Variants in IGDCC4 observed in about 807,000 individuals in gnomAD.
IGDCC4 encodes the protein likely ortholog of mouse neighbor of Punc E11.
IGDCC4 carries 72 observed loss-of-function variants against 116.6 expected under a neutral mutation model. That is an observed-to-expected ratio of 0.62 (90% CI 0.51 to 0.75). The LOEUF is 0.75. Ranked by LOEUF, IGDCC4 falls within the 30% of genes least tolerant of loss-of-function variation. The pLI, the probability that IGDCC4 is intolerant of heterozygous loss-of-function variation, is 0.00. For missense variants in IGDCC4, 1,501 were observed against 1,662.4 expected (o/e 0.90, Z 1.69); for synonymous variants, 709 against 719.9 (o/e 0.98, Z 0.24).
At chr15:65,385,469 T>C in intron 18 of IGDCC4, 1 of 523,356 alleles carries the variant, frequency 1.9e-6, no homozygotes, top group Non-Finnish European at 3.4e-6. Context: ...CTTATCCTGG[T>C]CCCAGTCCCA....
chr15:65,402,478 C>G lies in IGDCC4; in HGVS notation c.573G>C (p.Val191=). The change falls in exon 4 of 20, where the codon GTG becomes GTC. Residue 191 remains valine (V), a synonymous_variant. Coordinates refer to ENST00000352385, the MANE Select transcript of IGDCC4 (RefSeq NM_020962.3). The stretch of plus-strand genomic sequence containing the variant: ...GGATCTGAAGGACGCCGTTGGGAAG[C>G]ACGATGAGCCTTGGGAAGAGGGGAG... The part of the protein sequence containing the change: ...VTLPEEPRLI[V]LPNGVLQILD... 6.4e-7 allele frequency: 1 copy of G among 1,567,144 alleles called. No homozygotes were observed. Among genetic ancestry groups the G allele is most frequent in the South Asian group, 1.2e-5 (1 of 85,134 alleles).
chr15:65,415,224 C>G (rs1390970088), intron 1 of IGDCC4, among the ~76,000 whole-genome samples: 1 of 152,200 alleles, frequency 6.6e-6, no homozygotes, highest in African/African-American at 2.4e-5. Flanking sequence ...ACACAAATCC[C>G]TGAGCCCTCC....
intron 3 of IGDCC4, among the ~76,000 whole-genome samples, chr15:65,402,930 G>A (rs770313731): frequency 6.6e-6 from 1 of 152,120 alleles, no homozygotes; most frequent in Non-Finnish European, 1.5e-5. Context: ...AAATCAGAAG[G>A]CTTAATAACA....
chr15:65,387,771 A>T (rs1052072283), intron 16 of IGDCC4, among the ~76,000 whole-genome samples: 4 of 151,704 alleles, frequency 2.6e-5, no homozygotes, highest in African/African-American at 9.7e-5. Flanking sequence ...CACCTCACCA[A>T]GTTAATCCTC....
intron 3 of IGDCC4, among the ~76,000 whole-genome samples, chr15:65,407,753 A>G (rs919911462): frequency 1.3e-5 from 2 of 151,330 alleles, no homozygotes; most frequent in African/African-American, 4.9e-5. Flanking sequence ...CAGCCTCCTG[A>G]GTAGCTGGGA....
chr15:65,385,747 C>T, intron 18 of IGDCC4, 84 bp downstream of exon 18: 1 of 1,118,112 alleles, frequency 8.9e-7, no homozygotes, highest in Non-Finnish European at 1.4e-6. Flanking sequence ...GAGGTAGAGC[C>T]ATGCTCGCAT....
chr15:65,408,565 G>A lies in IGDCC4; in HGVS notation c.563+1613C>T, dbSNP rs117726928. 2.7e-3 allele frequency among the ~76,000 whole-genome samples: 404 copies of A among 152,316 alleles called. 12 individuals carry two copies. The East Asian group carries it at 0.057, about 21-fold the overall frequency. ...GTTAAACAAGGTCAACAGGATTCTCGATACAGCACTTCTCAGGGCCTTGCC... is the reference window on the plus strand; with the variant it reads ...GTTAAACAAGGTCAACAGGATTCTCAATACAGCACTTCTCAGGGCCTTGCC... On this transcript the variant is annotated intron_variant, in intron 3 of 19. Transcript: ENST00000352385.
chr15:65,392,033 C>T (rs1380302136), intron 11 of IGDCC4, 52 bp from the exon 12 acceptor site: 8 of 1,557,652 alleles, frequency 5.1e-6, no homozygotes, highest in Non-Finnish European at 7.0e-6. Context: ...GGGTCACTCT[C>T]CCGTCCACAG....
intron 2 of IGDCC4, 65 bp from the exon 3 acceptor site, chr15:65,410,384 A>T: frequency 6.3e-6 from 10 of 1,578,290 alleles, no homozygotes; most frequent in Non-Finnish European, 8.7e-6. Context: ...CAGCAAGCAC[A>T]AACAGTGAAA....
At position 65,393,810 on chromosome 15, in the gene IGDCC4, T is replaced by C. The variant is rs2062891023; in HGVS notation, c.1715-279A>G. 6.6e-6 allele frequency among the ~76,000 whole-genome samples: 1 copy of C among 151,818 alleles called. No homozygotes were observed. The highest frequency in any genetic ancestry group is 2.1e-4 in the South Asian group (1 of 4,816). On this transcript the variant is annotated intron_variant, in intron 9 of 19. Transcript: ENST00000352385. The surrounding 1 kb of genome is among the most constrained non-coding windows in gnomAD (Gnocchi z 4.6). The stretch of plus-strand genomic sequence containing the variant: ...CTTCCCCAGGAGCTGTCAATGACCA[T>C]CCCCTGCCAACACACACACACACGG...
intron 10 of IGDCC4, among the ~76,000 whole-genome samples, chr15:65,392,639 G>T (rs1248035637): frequency 6.6e-6 from 1 of 152,088 alleles, no homozygotes; most frequent in Non-Finnish European, 1.5e-5. Flanking sequence ...TTTGCAAAGG[G>T]GTCAGCAAGG....
intron 16 of IGDCC4, among the ~76,000 whole-genome samples, 200 bp downstream of exon 16, chr15:65,388,246 GAAA>G (rs397793769): frequency 8.1e-6 from 1 of 122,768 alleles, no homozygotes; most frequent in Admixed American, 8.1e-5. Flanking sequence ...CTCCATCTCA[GAAA>G]AAAAAAAAAA....
At chr15:65,413,699 AG>A (rs1311893189) in intron 1 of IGDCC4, among the ~76,000 whole-genome samples, 1 of 152,218 alleles carries the variant, frequency 6.6e-6, no homozygotes, top group Non-Finnish European at 1.5e-5. Context: ...CCTTACTTTA[AG>A]GCAGAATGGC....
At chr15:65,386,496 G>A in intron 17 of IGDCC4, 55 bp downstream of exon 17, 6 of 1,455,596 alleles carry the variant, frequency 4.1e-6, no homozygotes, top group Non-Finnish European at 4.7e-6. Flanking sequence ...GGCCCATTCT[G>A]CAGCCCTTCC....
At position 65,395,920 on chromosome 15, in the gene IGDCC4, G is replaced by C; in HGVS notation, c.1241C>G (p.Ala414Gly). Residue 414 changes from alanine to glycine, a missense_variant, in exon 7 of 20, where the codon GCG becomes GGG. Ala to Gly is a moderately conservative substitution (Grantham distance 60). Coordinates refer to ENST00000352385, the MANE Select transcript of IGDCC4 (RefSeq NM_020962.3). ...QCVAENSAGM[A>G]CAAASLAVVV... The stretch of plus-strand genomic sequence containing the variant: ...CACGGCCAGCGACGCGGCAGCGCAC[G>C]CCATTCCCGCGCTGTTCTCAGCCAC... 2 of 1,591,278 alleles carry C rather than the reference G, an allele frequency of 1.3e-6. No homozygotes were observed. The highest frequency in any genetic ancestry group is 1.1e-5 in the South Asian group (1 of 89,446).
In IGDCC4 at chr15:65,393,639, G is replaced by A; in HGVS notation, c.1715-108C>T. The stretch of plus-strand genomic sequence containing the variant: ...ACATCCCGGTTCCTCCGTGCCCGTG[G>A]GAGCCTGAGGCGTTCTCAGCACTGA... On this transcript the variant is annotated intron_variant, in intron 9 of 19. Transcript: ENST00000352385. This position sits in a 1 kb window ranked among gnomAD's most constrained non-coding sequence, Gnocchi z 4.6. 8.5e-7 allele frequency: 1 copy of A among 1,173,578 alleles called. No individual in the cohort carries two copies. Among genetic ancestry groups the A allele is most frequent in the Non-Finnish European group, 1.2e-6 (1 of 840,734 alleles). 72.7% of individuals were successfully genotyped at this position (1,173,578 alleles called of 1,614,324 possible).
At position 65,394,265 on chromosome 15, in the gene IGDCC4, C is replaced by T. The variant is rs1184223756; in HGVS notation, c.1714+146G>A. On this transcript the variant is annotated intron_variant, in intron 9 of 19. Coordinates refer to ENST00000352385, the MANE Select transcript of IGDCC4 (RefSeq NM_020962.3). ...TTCCCTTTTCATTCCTGCCCAGACC[C>T]CTGTTTTTCAGGTTCACCCTTCCCC... 4.6e-6 allele frequency: 6 copies of T among 1,313,216 alleles called. No individual in the cohort carries two copies. In the Admixed American group the frequency reaches 1.2e-4, roughly 26 times the overall value. 81.3% of individuals were successfully genotyped at this position (1,313,216 alleles called of 1,614,324 possible).
At position 65,396,925 on chromosome 15, in the gene IGDCC4, C is replaced by A. The variant is rs746266802; in HGVS notation, c.906G>T (p.Ala302=). The change falls in exon 6 of 20, where the codon GCG becomes GCT. Residue 302 remains alanine, a synonymous_variant. Coordinates refer to ENST00000352385, the MANE Select transcript of IGDCC4 (RefSeq NM_020962.3). ...CATAGACGCCGGAGTGCCAGGGCTG[C>A]GCGTTGGCAATTAGTAGGTTGGTGC... ...LGRTNLLIAN[A]QPWHSGVYVC... 1 of 1,574,850 alleles carries A rather than the reference C, an allele frequency of 6.3e-7. No individual in the cohort carries two copies. The highest frequency in any genetic ancestry group is 8.6e-7 in the Non-Finnish European group (1 of 1,159,766).
intron 1 of IGDCC4, among the ~76,000 whole-genome samples, chr15:65,418,149 A>G (rs116186266): frequency 2.8e-4 from 43 of 152,332 alleles, no homozygotes; most frequent in African/African-American, 1.0e-3. Flanking sequence ...AGGGCAAGAA[A>G]GGATGTCAGG....
Sources: allele counts gnomAD v4.1 joint callset (sites outside exome capture counted in the v4.1 genomes callset), GRCh38; gene constraint gnomAD v4.1.1; non-coding constraint Gnocchi (gnomAD v3.1); transcripts MANE v1.5; gene names NCBI Gene and HGNC (gene_info 2026-07-23, HGNC 2026-07-21).